DEPDC5: variants seen among roughly 807,000 people sequenced by gnomAD.
DEPDC5 encodes GATOR1 complex protein DEPDC5.
A neutral mutation model predicts 217.3 loss-of-function variants in DEPDC5; 73 were observed. The observed-to-expected ratio is 0.34, with a 90% CI of 0.28 to 0.41. The LOEUF (loss-of-function observed/expected upper bound fraction) is 0.41. DEPDC5 is among the 10% of genes least tolerant of loss of function. The pLI, the probability that DEPDC5 is intolerant of heterozygous loss-of-function variation, is 1.00. For synonymous variants in DEPDC5, 733 were observed against 756.7 expected, an observed-to-expected ratio of 0.97 and a Z score of 0.51; for missense variants, 1,675 against 2,070.1, an observed-to-expected ratio of 0.81 and a Z score of 3.70.
intron 7 of DEPDC5, among the ~76,000 whole-genome samples, chr22:31,777,556 G>A (rs562260336): frequency 9.9e-5 from 15 of 151,888 alleles, no homozygotes; most frequent in African/African-American, 3.4e-4. Context: ...CACCATGCCT[G>A]GCCAAGAAGC....
Position 31,806,131 on chromosome 22 carries a change from A to G in DEPDC5, c.1227A>G (p.Thr409=), listed in dbSNP as rs747903572. The stretch of plus-strand genomic sequence containing the variant: ...TTTGTTTCTTTTACAGTTTCTACAC[A>G]TCCAAAAGCCAGCTCTTTTGTAATA... ...IPHWINHSFY[T]SKSQLFCNSF... The change falls in exon 18 of 43, where the codon ACA becomes ACG. Residue 409 remains threonine (T), a synonymous_variant. Transcript: ENST00000651528. The G allele has an allele frequency of 2.7e-5, 44 of 1,613,662 alleles. 1 individual carries two copies. The highest frequency in any genetic ancestry group is 5.5e-5 in the South Asian group (5 of 91,038).
At chr22:31,786,522 C>G (rs1016796747) in intron 10 of DEPDC5, among the ~76,000 whole-genome samples, 1 of 150,656 alleles carries the variant, frequency 6.6e-6, no homozygotes, top group African/African-American at 2.4e-5. Flanking sequence ...GAGTCTCACT[C>G]TGTTGCCCAG....
chr22:31,834,764 C>T (rs557037175), intron 25 of DEPDC5, among the ~76,000 whole-genome samples: 3 of 152,172 alleles, frequency 2.0e-5, no homozygotes, highest in South Asian at 2.1e-4. Context: ...ATCCTGACCT[C>T]GTGATCCGCC....
At chr22:31,828,910 T>C (rs2090374213) in intron 24 of DEPDC5, among the ~76,000 whole-genome samples, 1 of 152,152 alleles carries the variant, frequency 6.6e-6, no homozygotes, top group African/African-American at 2.4e-5. Flanking sequence ...AGCCGTCTTG[T>C]GGGGGATTGA....
At chr22:31,805,957 G>A (rs1047263525) in intron 17 of DEPDC5, among the ~76,000 whole-genome samples, 165 bp from the exon 18 acceptor site, 1 of 152,136 alleles carries the variant, frequency 6.6e-6, no homozygotes, top group Non-Finnish European at 1.5e-5. Flanking sequence ...CATAACTAAT[G>A]TTTTGTAGTG....
chr22:31,851,373 G>A (rs913562508), intron 31 of DEPDC5, among the ~76,000 whole-genome samples: 3 of 152,204 alleles, frequency 2.0e-5, no homozygotes, highest in Non-Finnish European at 4.4e-5. Context: ...AGGAAGCAAA[G>A]CGTTTACATG....
chr22:31,785,910 T>C (rs1238315575), intron 10 of DEPDC5, among the ~76,000 whole-genome samples: 1 of 152,104 alleles, frequency 6.6e-6, no homozygotes, highest in Non-Finnish European at 1.5e-5. Flanking sequence ...AAAGAACGAA[T>C]TTGGACCCTC....
At chr22:31,871,032 T>C (rs992272017) in intron 34 of DEPDC5, among the ~76,000 whole-genome samples, 1 of 152,200 alleles carries the variant, frequency 6.6e-6, no homozygotes, top group Non-Finnish European at 1.5e-5. Flanking sequence ...CAGTCTGTCT[T>C]GTTCACTGTG....
intron 6 of DEPDC5, among the ~76,000 whole-genome samples, chr22:31,767,381 G>T (rs5998119): frequency 0.32 from 49,020 of 151,012 alleles, 9,133 homozygotes; most frequent in African/African-American, 0.53. Context: ...CCACAACCTC[G>T]GCCTTCCTGG....
At chr22:31,819,740 G>A (rs994171517) in intron 22 of DEPDC5, among the ~76,000 whole-genome samples, 1 of 152,122 alleles carries the variant, frequency 6.6e-6, no homozygotes, top group Non-Finnish European at 1.5e-5. Flanking sequence ...AGAGTGCTGG[G>A]ATTATAGATG....
At chr22:31,820,676 T>C (rs2089608142) in intron 22 of DEPDC5, among the ~76,000 whole-genome samples, 1 of 152,180 alleles carries the variant, frequency 6.6e-6, no homozygotes, top group Non-Finnish European at 1.5e-5. Context: ...TTAGAACTCT[T>C]GGTGTTTCTT....
intron 38 of DEPDC5, among the ~76,000 whole-genome samples, chr22:31,889,290 T>C (rs971714176): frequency 5.9e-5 from 9 of 152,306 alleles, no homozygotes; most frequent in African/African-American, 2.2e-4. Context: ...AACATCATAA[T>C]CCGCTAGAAA....
intron 10 of DEPDC5, among the ~76,000 whole-genome samples, chr22:31,785,934 T>C (rs897023317): frequency 5.9e-5 from 9 of 152,136 alleles, no homozygotes; most frequent in African/African-American, 2.2e-4. Flanking sequence ...TCAAATCATA[T>C]ATGAAATGTA....
At chr22:31,830,389 G>T (rs1468978054) in intron 24 of DEPDC5, among the ~76,000 whole-genome samples, 1 of 152,254 alleles carries the variant, frequency 6.6e-6, no homozygotes, top group African/African-American at 2.4e-5. Flanking sequence ...AGCAGAGCTG[G>T]CTGACCATGA....
In DEPDC5 at chr22:31,797,700, G is replaced by A. The variant is rs894371131; in HGVS notation, c.868G>A (p.Ala290Thr). ...QYPVLVRLEQ[A>T]EGFPQGDNST... ...TCCAGTGTTGGTGCGACTGGAACAG[G>A]CAGGTACTGCATTCATGTAATAGAT... is the stretch of plus-strand genomic sequence containing the variant. The change falls in exon 13 of 43, where the codon GCA becomes ACA. Residue 290 changes from alanine to threonine, a missense_variant. By Grantham distance (58) the Ala-to-Thr change is moderately conservative. Transcript: ENST00000651528. 7.4e-6 allele frequency: 12 copies of A among 1,612,464 alleles called. No individual in the cohort carries two copies. The highest frequency in any genetic ancestry group is 1.0e-5 in the Non-Finnish European group (12 of 1,178,638).
At chr22:31,825,343 T>C (rs555136629) in intron 24 of DEPDC5, among the ~76,000 whole-genome samples, 1 of 152,296 alleles carries the variant, frequency 6.6e-6, no homozygotes, top group African/African-American at 2.4e-5. Flanking sequence ...GGGGTGGTTG[T>C]GGAAGATTTT....
chr22:31,762,960 G>A (rs367800978), intron 4 of DEPDC5, among the ~76,000 whole-genome samples: 2 of 151,714 alleles, frequency 1.3e-5, no homozygotes, highest in Admixed American at 6.6e-5. Context: ...GACTACAGGC[G>A]TGCACCACCA....
At chr22:31,844,760 T>TC (rs2091622784) in intron 29 of DEPDC5, 1 of 335,644 alleles carries the variant, frequency 3.0e-6, no homozygotes, top group African/African-American at 2.4e-5. Flanking sequence ...CTCGCCATGT[T>TC]CCCCAAGCTG....
At chr22:31,808,958 G>A (rs1299441804) in intron 18 of DEPDC5, among the ~76,000 whole-genome samples, 1 of 151,808 alleles carries the variant, frequency 6.6e-6, no homozygotes, top group Non-Finnish European at 1.5e-5. Context: ...AATAGAGATG[G>A]GGTCTTACTG....
Sources: allele counts gnomAD v4.1 joint callset (sites outside exome capture counted in the v4.1 genomes callset), GRCh38; gene constraint gnomAD v4.1.1; transcripts MANE v1.5; gene names NCBI Gene and HGNC (gene_info 2026-07-23, HGNC 2026-07-21).